Variants in PRELID2 observed in about 807,000 individuals in gnomAD.
The protein encoded by PRELID2 is PRELI domain-containing protein 2.
In PRELID2, 25 loss-of-function variants were observed where a neutral mutation model predicts 28.4. The ratio of observed to expected loss-of-function variants is 0.88; its 90% CI spans 0.64 to 1.23. The LOEUF (loss-of-function observed/expected upper bound fraction) is 1.23, where lower values mean the gene tolerates loss of function less well. Ranked by LOEUF, PRELID2 falls within the 50% of genes most tolerant of loss-of-function variation. The pLI, the probability that PRELID2 is intolerant of heterozygous loss-of-function variation, is 0.00. For synonymous variants in PRELID2, 76 were observed against 71.6 expected (o/e 1.06, Z -0.31); for missense variants, 201 against 214.4 (o/e 0.94, Z 0.39).
At chr5:145,338,686 G>A in the PRELID2 span, among the ~76,000 whole-genome samples, 1 of 152,070 alleles carries the variant, frequency 6.6e-6, no homozygotes, top group Non-Finnish European at 1.5e-5. Context: ...TCTTTACTCT[G>A]TGACAGTTTC....
intron 1 of PRELID2, among the ~76,000 whole-genome samples, chr5:145,525,134 A>G (rs1054907647): frequency 3.9e-5 from 6 of 152,170 alleles, no homozygotes; most frequent in Non-Finnish European, 7.3e-5. Flanking sequence ...TTATTTCAAT[A>G]TGTTCACATT....
chr5:145,304,289 G>A, the PRELID2 span, among the ~76,000 whole-genome samples: 3 of 152,018 alleles, frequency 2.0e-5, no homozygotes, highest in Non-Finnish European at 2.9e-5. Flanking sequence ...TACTATTGTT[G>A]TTATTCATTT....
At chr5:145,734,892 C>T (rs1259205852) in intron 1 of PRELID2, among the ~76,000 whole-genome samples, 1 of 152,174 alleles carries the variant, frequency 6.6e-6, no homozygotes, top group East Asian at 1.9e-4. Flanking sequence ...GCTTTTAAGG[C>T]TCCTGCTGAA....
the PRELID2 span, among the ~76,000 whole-genome samples, chr5:145,466,061 G>T: frequency 1.3e-5 from 2 of 152,002 alleles, no homozygotes; most frequent in Non-Finnish European, 2.9e-5. Context: ...CTGCCTCAGA[G>T]ATTTTTCTTT....
the PRELID2 span, among the ~76,000 whole-genome samples, chr5:145,440,121 C>T: frequency 1.1e-4 from 17 of 152,100 alleles, no homozygotes; most frequent in Non-Finnish European, 2.5e-4. Context: ...TGGGAAAATG[C>T]ATTGCCCCTC....
the PRELID2 span, among the ~76,000 whole-genome samples, chr5:145,383,311 G>A: frequency 5.4e-5 from 8 of 149,084 alleles, no homozygotes; most frequent in South Asian, 2.1e-4. Flanking sequence ...ATATATGTAC[G>A]GATATACAGC....
the PRELID2 span, among the ~76,000 whole-genome samples, chr5:145,241,322 C>T: frequency 2.4e-4 from 36 of 152,030 alleles, no homozygotes; most frequent in African/African-American, 7.9e-4. Flanking sequence ...ATAGAGATCA[C>T]CCAAAGGACC....
At chr5:145,398,223 C>G in the PRELID2 span, among the ~76,000 whole-genome samples, 1 of 152,104 alleles carries the variant, frequency 6.6e-6, no homozygotes, top group Non-Finnish European at 1.5e-5. Flanking sequence ...ACATGCCATG[C>G]AAAATACAGA....
intron 1 of PRELID2, among the ~76,000 whole-genome samples, chr5:145,531,881 A>G (rs1436670400): frequency 2.0e-5 from 3 of 152,210 alleles, no homozygotes; most frequent in African/African-American, 7.2e-5. Flanking sequence ...CCTTGATTCA[A>G]ATCCTAGCTC....
At chr5:145,363,940 G>GA in the PRELID2 span, among the ~76,000 whole-genome samples, 1 of 151,910 alleles carries the variant, frequency 6.6e-6, no homozygotes, top group East Asian at 1.9e-4. Flanking sequence ...ATTATTTGGA[G>GA]AAAAAAATCT....
At chr5:145,430,720 G>A in the PRELID2 span, among the ~76,000 whole-genome samples, 21 of 152,192 alleles carry the variant, frequency 1.4e-4, 1 homozygote, top group East Asian at 1.7e-3. Flanking sequence ...CCCAGGACTC[G>A]TTTCATGAAC....
rs1031569595 is a variant in PRELID2 at position 145,758,793 on chromosome 5, A to T, written c.*1743T>A. ...TTTTTCCCTCCAACACAATTGAAGAATGAAACACTATGAAGCTGAAAAGAA... is the reference window on the plus strand; with the variant it reads ...TTTTTCCCTCCAACACAATTGAAGATTGAAACACTATGAAGCTGAAAAGAA... On this transcript the variant is annotated 3_prime_UTR_variant, in exon 7 of 7. Coordinates refer to ENST00000683046, the MANE Select transcript of PRELID2 (RefSeq NM_205846.3). Among the ~76,000 whole-genome samples, 8 of 152,182 alleles carry T rather than the reference A, an allele frequency of 5.3e-5. No homozygotes were observed. The highest frequency in any genetic ancestry group is 1.0e-4 in the Non-Finnish European group (7 of 68,034).
intron 5 of PRELID2, among the ~76,000 whole-genome samples, chr5:145,773,013 C>A (rs1758203370): frequency 6.6e-6 from 1 of 152,120 alleles, no homozygotes. Flanking sequence ...ATAAGTAACC[C>A]AAAATCTTTA....
chr5:145,537,431 C>T (rs991370904), intron 1 of PRELID2, among the ~76,000 whole-genome samples: 7 of 151,840 alleles, frequency 4.6e-5, no homozygotes, highest in African/African-American at 1.7e-4. Context: ...GTTTACAATC[C>T]CACTAAACAG....
At chr5:145,356,263 C>T in the PRELID2 span, among the ~76,000 whole-genome samples, 1 of 152,062 alleles carries the variant, frequency 6.6e-6, no homozygotes, top group East Asian at 1.9e-4. Context: ...GTACTTAAGG[C>T]TGACTTGTGA....
chr5:145,334,771 GTT>G, the PRELID2 span, among the ~76,000 whole-genome samples: 4,428 of 134,958 alleles, frequency 0.033, 139 homozygotes, highest in African/African-American at 0.096. Flanking sequence ...TTGTTTGTCA[GTT>G]TTTTTTTTTT....
intron 1 of PRELID2, among the ~76,000 whole-genome samples, chr5:145,498,699 ATTTTTGT>A (rs1752329141): frequency 6.6e-6 from 1 of 151,804 alleles, no homozygotes; most frequent in South Asian, 2.1e-4. Flanking sequence ...CAGCTATGGT[ATTTTTGT>A]TTTTTGTTTT....
At chr5:145,384,729 G>C in the PRELID2 span, among the ~76,000 whole-genome samples, 1 of 152,204 alleles carries the variant, frequency 6.6e-6, no homozygotes, top group Admixed American at 6.5e-5. Flanking sequence ...CAATCATGGC[G>C]GAAGGTGAAG....
At chr5:145,485,491 C>CAAA (rs1752208885) in intron 1 of PRELID2, among the ~76,000 whole-genome samples, 1 of 152,176 alleles carries the variant, frequency 6.6e-6, no homozygotes, top group African/African-American at 2.4e-5. Context: ...GTATGTAGAG[C>CAAA]GTGTTTGCCT....
Sources: allele counts gnomAD v4.1 joint callset (sites outside exome capture counted in the v4.1 genomes callset), GRCh38; gene constraint gnomAD v4.1.1; transcripts MANE v1.5; gene names NCBI Gene and HGNC (gene_info 2026-07-23, HGNC 2026-07-21).